The following AP3B1 variants were observed in gnomAD, a reference collection of about 807,000 sequenced individuals.
AP3B1 encodes AP-3 complex subunit beta-1.
In AP3B1, 61 loss-of-function variants were observed where a neutral mutation model predicts 132.5. That is an observed-to-expected ratio of 0.46 (90% CI 0.37 to 0.57). The LOEUF (loss-of-function observed/expected upper bound fraction) is 0.57, where lower values mean the gene tolerates loss of function less well. Among genes scored for constraint, AP3B1 ranks in the 20% least tolerant of loss-of-function variants. The probability of loss-of-function intolerance (pLI) is 0.00; values close to 1 mark genes in which losing one functional copy is unlikely to be tolerated. For missense variants in AP3B1, 1,120 were observed against 1,289.4 expected (o/e 0.87, Z 2.01); for synonymous variants, 388 against 438.3 (o/e 0.89, Z 1.43).
At chr5:78,153,942 C>T (rs979679370) in intron 14 of AP3B1, among the ~76,000 whole-genome samples, 1 of 152,104 alleles carries the variant, frequency 6.6e-6, no homozygotes, top group Admixed American at 6.5e-5. Context: ...TTAATCAGTT[C>T]ACGTTTTAGT....
intron 22 of AP3B1, among the ~76,000 whole-genome samples, chr5:78,076,168 G>C (rs990670247): frequency 1.3e-5 from 2 of 152,120 alleles, no homozygotes; most frequent in African/African-American, 4.8e-5. Context: ...TTCCAAATGG[G>C]CAAAACTGTT....
chr5:78,151,298 T>C (rs1753639263), intron 14 of AP3B1, among the ~76,000 whole-genome samples: 3 of 152,228 alleles, frequency 2.0e-5, no homozygotes. Flanking sequence ...AAATATAAGA[T>C]AATATCATCT....
intron 22 of AP3B1, among the ~76,000 whole-genome samples, chr5:78,056,475 C>T (rs1016379738): frequency 4.6e-5 from 7 of 152,140 alleles, no homozygotes; most frequent in Non-Finnish European, 1.0e-4. Context: ...TGTCAGATAA[C>T]GCAGGGTCCT....
At chr5:78,195,418 G>T (rs530881927) in intron 7 of AP3B1, among the ~76,000 whole-genome samples, 1 of 152,164 alleles carries the variant, frequency 6.6e-6, no homozygotes, top group Admixed American at 6.6e-5. Flanking sequence ...GAACAGAAGA[G>T]AAAGCCTAGA....
chr5:78,092,403 C>T (rs557091278), intron 21 of AP3B1, among the ~76,000 whole-genome samples: 1 of 152,188 alleles, frequency 6.6e-6, no homozygotes, highest in Admixed American at 6.5e-5. Flanking sequence ...TGAAAGCTTA[C>T]CCTAAAGTGA....
intron 2 of AP3B1, among the ~76,000 whole-genome samples, chr5:78,244,678 T>C (rs6897166): frequency 0.31 from 47,178 of 151,860 alleles, 7,488 homozygotes; most frequent in Middle Eastern, 0.42. Context: ...GTAGACTGAG[T>C]GACAAGACAT....
intron 20 of AP3B1, among the ~76,000 whole-genome samples, chr5:78,106,442 A>G (rs1373236393): frequency 6.6e-6 from 1 of 151,652 alleles, no homozygotes; most frequent in Non-Finnish European, 1.5e-5. Context: ...TGGGTGACAG[A>G]GCAAGACTCT....
chr5:78,224,898 T>G (rs566609635), intron 6 of AP3B1, among the ~76,000 whole-genome samples: 8 of 152,104 alleles, frequency 5.3e-5, no homozygotes, highest in African/African-American at 1.7e-4. Flanking sequence ...CAATAATGAA[T>G]AGAACAAGTA....
intron 7 of AP3B1, among the ~76,000 whole-genome samples, chr5:78,195,771 G>A (rs1156702511): frequency 6.6e-6 from 1 of 152,106 alleles, no homozygotes; most frequent in Non-Finnish European, 1.5e-5. Context: ...ACTGAGCTGA[G>A]ATCATGCCAC....
intron 17 of AP3B1, among the ~76,000 whole-genome samples, chr5:78,120,721 T>G (rs9765616): frequency 0.3 from 45,667 of 151,154 alleles, 7,268 homozygotes; most frequent in Admixed American, 0.41. Flanking sequence ...CAAAGAGACT[T>G]AGACTCCCAC....
intron 1 of AP3B1, among the ~76,000 whole-genome samples, chr5:78,290,813 G>A (rs778970333): frequency 1.2e-3 from 185 of 152,156 alleles, no homozygotes; most frequent in Admixed American, 2.9e-3. Flanking sequence ...GCTGGGCATG[G>A]TAGCATGCAC....
chr5:78,078,789 T>C (rs1749867159), intron 22 of AP3B1, among the ~76,000 whole-genome samples: 1 of 152,244 alleles, frequency 6.6e-6, no homozygotes, highest in Non-Finnish European at 1.5e-5. Flanking sequence ...TATCTGTAAT[T>C]CCTAGCATAG....
chr5:78,096,340 T>C (rs1306837015), intron 21 of AP3B1, among the ~76,000 whole-genome samples: 1 of 152,156 alleles, frequency 6.6e-6, no homozygotes, highest in African/African-American at 2.4e-5. Flanking sequence ...TGGAGTGCAG[T>C]GGCATGATCT....
intron 11 of AP3B1, among the ~76,000 whole-genome samples, chr5:78,174,509 C>A (rs1290289448): frequency 6.6e-6 from 1 of 151,572 alleles, no homozygotes; most frequent in African/African-American, 2.4e-5. Flanking sequence ...CTGGTTATCA[C>A]CAGCGGAGGC....
rs34733864 is a variant in AP3B1, at chr5:78,191,354, C to CAAAA, written c.787-9696_787-9693dup. ...ATTGGCTTTTGGAATTGCTTTTCCC[C>CAAAA]AAAAAAAAAAAAAAAAAAAAAAAGG... On this transcript the variant is annotated intron_variant, in intron 7 of 26. Coordinates refer to ENST00000255194, the MANE Select transcript of AP3B1 (RefSeq NM_003664.5). Among the ~76,000 whole-genome samples, 480 of 72,786 alleles carry CAAAA rather than the reference C, an allele frequency of 6.6e-3. 13 individuals carry two copies. Among genetic ancestry groups the CAAAA allele is most frequent in the African/African-American group, 0.024 (436 of 18,346 alleles). The allele number at this position is 72,786 out of a possible 152,430, so 47.8% of individuals were successfully genotyped here. A position where few individuals can be genotyped will look rare whatever the true frequency, so the allele number is the denominator to read the frequency against.
intron 2 of AP3B1, among the ~76,000 whole-genome samples, chr5:78,266,299 T>G (rs77615913): frequency 0.021 from 3,128 of 152,302 alleles, 91 homozygotes; most frequent in East Asian, 0.14. Context: ...AATACTCCTA[T>G]GTATAGAGCA....
intron 17 of AP3B1, among the ~76,000 whole-genome samples, chr5:78,119,592 G>C (rs1752058967): frequency 1.3e-5 from 2 of 152,178 alleles, no homozygotes; most frequent in Admixed American, 1.3e-4. Flanking sequence ...GGGTATCAGT[G>C]ATGGAAGACG....
intron 20 of AP3B1, among the ~76,000 whole-genome samples, chr5:78,107,657 A>G (rs1751392907): frequency 6.6e-6 from 1 of 152,196 alleles, no homozygotes; most frequent in South Asian, 2.1e-4. Flanking sequence ...GTTAGAGAGC[A>G]GAAACACTGA....
At chr5:78,134,585 G>C (rs886401463) in intron 15 of AP3B1, among the ~76,000 whole-genome samples, 6 of 152,098 alleles carry the variant, frequency 3.9e-5, no homozygotes, top group African/African-American at 1.2e-4. Context: ...TGGTTGCCCA[G>C]GCTGGAGTGC....
Sources: gnomAD v4.1 joint callset for allele counts (sites outside exome capture counted in the v4.1 genomes callset) on GRCh38, gnomAD v4.1.1 for gene constraint, MANE v1.5 for transcripts, NCBI Gene and HGNC (gene_info 2026-07-23, HGNC 2026-07-21) for gene names.